The following IL27RA variants were observed in gnomAD, a reference collection of about 807,000 sequenced individuals.
IL27RA encodes interleukin 27 receptor subunit alpha, also known as interleukin-27 receptor subunit alpha.
A neutral mutation model predicts 80.8 loss-of-function variants in IL27RA; 61 were observed. That is an observed-to-expected ratio of 0.76 (90% CI 0.61 to 0.93). The LOEUF (loss-of-function observed/expected upper bound fraction) is 0.93. Ranked by LOEUF, IL27RA falls within the 40% of genes least tolerant of loss-of-function variation. The pLI is 0.00. For missense variants in IL27RA, 735 were observed against 808.1 expected, an observed-to-expected ratio of 0.91 and a Z score of 1.10; for synonymous variants, 316 against 332.5, an observed-to-expected ratio of 0.95 and a Z score of 0.54.
intron 4 of IL27RA, 68 bp from the exon 5 acceptor site, chr19:14,042,385 A>T (rs1257762076): frequency 6.6e-7 from 1 of 1,516,982 alleles, no homozygotes; most frequent in Non-Finnish European, 8.9e-7. Context: ...AAGGAAAAAA[A>T]AAAAGATAAG....
chr19:14,046,232 A>G lies in IL27RA; in HGVS notation c.847A>G (p.Thr283Ala), dbSNP rs1359309749. Residue 283 changes from threonine (T) to alanine (A), a missense_variant, in exon 7 of 14, where the codon ACC becomes GCC. Coordinates refer to ENST00000263379, the MANE Select transcript of IL27RA (RefSeq NM_004843.4). Reference sequence around the variant, plus strand: ...TCGTGAGCTGAGTCCAGAAGGAATTACCTGCTGCTGCTCCCTAATTCCCAG... The same window carrying G: ...TCGTGAGCTGAGTCCAGAAGGAATTGCCTGCTGCTGCTCCCTAATTCCCAG... ...GGRELSPEGITCCCSLIPSGA... is the reference protein window; with the variant it reads ...GGRELSPEGIACCCSLIPSGA... The G allele has an allele frequency of 1.1e-5, 17 of 1,614,160 alleles. No homozygotes were observed. Among genetic ancestry groups the G allele is most frequent in the Non-Finnish European group, 1.4e-5 (16 of 1,180,040 alleles).
At chr19:14,052,059 G>T (rs1308057860) in intron 13 of IL27RA, 37 bp from the exon 14 acceptor site, 2 of 1,600,104 alleles carry the variant, frequency 1.2e-6, no homozygotes, top group Admixed American at 1.7e-5. Context: ...GTGGGTCGGG[G>T]AGGCTGGGGC....
rs1263873637 is a variant in IL27RA at position 14,051,776 on chromosome 19, T to C, written c.1622+76T>C. The stretch of plus-strand genomic sequence containing the variant: ...GCATTTTGCTGAGCTTCCAGGGGGC[T>C]TGAAGGGAGGCCTCAGGGCGCAGTC... On this transcript the variant is annotated intron_variant, in intron 12 of 13. Coordinates refer to ENST00000263379, the MANE Select transcript of IL27RA (RefSeq NM_004843.4). 4.2e-6 allele frequency: 6 copies of C among 1,432,966 alleles called. No individual in the cohort carries two copies. The African/African-American group carries it at 7.0e-5, about 17-fold the overall frequency. 88.8% of individuals were successfully genotyped at this position (1,432,966 alleles called of 1,614,324 possible).
Position 14,046,310 on chromosome 19 carries a change from C to T in IL27RA, c.925C>T (p.Leu309Phe). 6.2e-7 allele frequency: 1 copy of T among 1,614,014 alleles called. No individual in the cohort carries two copies. Among genetic ancestry groups the T allele is most frequent in the Non-Finnish European group, 8.5e-7 (1 of 1,179,944 alleles). Residue 309 changes from leucine to phenylalanine, a missense_variant, in exon 7 of 14, where the codon CTC becomes TTC. Leu to Phe is a conservative substitution (Grantham distance 22, BLOSUM62 0). Transcript: ENST00000263379. The stretch of plus-strand genomic sequence containing the variant: ...TGTCAACGCCACAAGCTGGGAGCCT[C>T]TCACCAACCTCTCTTTGGTCTGCTT... ...SAVNATSWEP[L>F]TNLSLVCLDS...
intron 6 of IL27RA, 140 bp downstream of exon 6, chr19:14,042,929 G>C: frequency 1.3e-6 from 1 of 742,576 alleles, no homozygotes; most frequent in Non-Finnish European, 2.3e-6. Context: ...ATCACTTGAG[G>C]TCAGCAGTTG....
At chr19:14,044,237 TTTTA>T (rs1226251059) in intron 6 of IL27RA, among the ~76,000 whole-genome samples, 1 of 151,844 alleles carries the variant, frequency 6.6e-6, no homozygotes, top group Non-Finnish European at 1.5e-5. Flanking sequence ...ATCCAGTATC[TTTTA>T]TTTATTTATG....
intron 2 of IL27RA, 131 bp downstream of exon 2, chr19:14,032,634 CAAAAAAAAAA>C (rs766574764): frequency 3.2e-5 from 3 of 93,684 alleles, no homozygotes; most frequent in African/African-American, 5.9e-5. Context: ...ACTAAAAATA[CAAAAAAAAAA>C]AAAAAAAAAA....
rs1975869967 is a variant in IL27RA, at chr19:14,034,586, G to A, written c.218+2083G>A. Reference sequence around the variant, plus strand: ...GAGGCAGGAGAATCGCTGGAACTCGGGAGGCAGAGGTTGGAGTGAGCCAAG... The same window carrying A: ...GAGGCAGGAGAATCGCTGGAACTCGAGAGGCAGAGGTTGGAGTGAGCCAAG... On this transcript the variant is annotated intron_variant, in intron 2 of 13. Transcript: ENST00000263379. Among the ~76,000 whole-genome samples the A allele has an allele frequency of 2.0e-5, 3 of 151,786 alleles. 1 individual carries two copies. The South Asian group carries it at 6.3e-4, about 32-fold the overall frequency.
At chr19:14,040,965 A>G (rs1349388489) in intron 4 of IL27RA, among the ~76,000 whole-genome samples, 4 of 141,624 alleles carry the variant, frequency 2.8e-5, no homozygotes, top group Admixed American at 1.4e-4. Context: ...GTGCAATGGC[A>G]TGATCTCGGC....
intron 2 of IL27RA, among the ~76,000 whole-genome samples, chr19:14,034,952 CAAAAA>C (rs71170590): frequency 2.1e-5 from 3 of 143,468 alleles, no homozygotes; most frequent in African/African-American, 7.7e-5. Context: ...GACTCCGTCT[CAAAAA>C]AAAAAAAAAT....
chr19:14,049,202 AG>A lies in IL27RA; in HGVS notation c.1293del (p.Thr432ProfsTer4). The A allele has an allele frequency of 2.5e-6, 4 of 1,614,008 alleles. No homozygotes were observed. Among genetic ancestry groups the A allele is most frequent in the Non-Finnish European group, 3.4e-6 (4 of 1,179,982 alleles). Reference protein sequence around the residue: ...TLWRLQDAPPGTPAIAWGEVP... With the variant: ...TLWRLQDAPPXTPAIAWGEVP... ...TTTGGCGACTCCAAGATGCCCCTCC[AG>A]GGACCCCCGCCATAGCGTGGGGAGA... On this transcript the variant is annotated frameshift_variant, in exon 10 of 14. Coordinates refer to ENST00000263379, the MANE Select transcript of IL27RA (RefSeq NM_004843.4). LOFTEE classifies it high-confidence loss of function.
intron 10 of IL27RA, among the ~76,000 whole-genome samples, chr19:14,050,069 T>C (rs1207472744): frequency 6.6e-6 from 1 of 151,740 alleles, no homozygotes; most frequent in African/African-American, 2.4e-5. Flanking sequence ...CAGCCTGTAG[T>C]CCAGCTACTC....
chr19:14,036,756 G>A (rs1975907329), intron 2 of IL27RA, among the ~76,000 whole-genome samples: 1 of 152,004 alleles, frequency 6.6e-6, no homozygotes, highest in African/African-American at 2.4e-5. Flanking sequence ...CCAAAGTGCT[G>A]GGATTACAGG....
At chr19:14,043,333 C>T (rs1976019360) in intron 6 of IL27RA, among the ~76,000 whole-genome samples, 1 of 152,004 alleles carries the variant, frequency 6.6e-6, no homozygotes, top group South Asian at 2.1e-4. Flanking sequence ...TGCAGATATT[C>T]CGGGCAGGGG....
rs187281216 is a variant in IL27RA, at chr19:14,035,622, C to T, written c.218+3119C>T. Among the ~76,000 whole-genome samples, 1,415 of 149,610 alleles carry T rather than the reference C, an allele frequency of 9.5e-3. 18 individuals are homozygous for T. Among genetic ancestry groups the T allele is most frequent in the African/African-American group, 0.032 (1,307 of 40,632 alleles). On this transcript the variant is annotated intron_variant, in intron 2 of 13. Transcript: ENST00000263379. ...GTTGGTCTGGCTGGTCTCGAACTCCCGACCTCAGGTGATCCACCCACCTGG... is the reference window on the plus strand; with the variant it reads ...GTTGGTCTGGCTGGTCTCGAACTCCTGACCTCAGGTGATCCACCCACCTGG...
intron 2 of IL27RA, among the ~76,000 whole-genome samples, chr19:14,035,459 G>A (rs570919713): frequency 2.0e-5 from 3 of 152,132 alleles, no homozygotes; most frequent in East Asian, 1.9e-4. Context: ...GCAATGGCGC[G>A]ATCTCGGCTC....
At chr19:14,034,591 CA>C (rs1368750384) in intron 2 of IL27RA, among the ~76,000 whole-genome samples, 1 of 149,720 alleles carries the variant, frequency 6.7e-6, no homozygotes, top group Non-Finnish European at 1.5e-5. Context: ...ACTCGGGAGG[CA>C]GAGGTTGGAG....
At chr19:14,043,938 C>T (rs961646342) in intron 6 of IL27RA, among the ~76,000 whole-genome samples, 16 of 148,690 alleles carry the variant, frequency 1.1e-4, no homozygotes, top group African/African-American at 3.2e-4. Flanking sequence ...ATCCCAGCTA[C>T]TTAGGAGGCT....
At chr19:14,051,003 C>G in intron 11 of IL27RA, 120 bp downstream of exon 11, 1 of 1,046,374 alleles carries the variant, frequency 9.6e-7, no homozygotes, top group Non-Finnish European at 1.3e-6. Context: ...AATCCTAACA[C>G]TCTGGGAGGC....
Sources: gnomAD v4.1 joint callset for allele counts (sites outside exome capture counted in the v4.1 genomes callset) on GRCh38, gnomAD v4.1.1 for gene constraint, MANE v1.5 for transcripts, NCBI Gene and HGNC (gene_info 2026-07-23, HGNC 2026-07-21) for gene names.